Variants in AUTS2 observed in about 807,000 individuals in gnomAD.
AUTS2 encodes activator of transcription and developmental regulator AUTS2.
A neutral mutation model predicts 112.4 loss-of-function variants in AUTS2; 17 were observed. The observed-to-expected ratio is 0.15, with a 90% CI of 0.10 to 0.23. The LOEUF is 0.23. Among genes scored for constraint, AUTS2 ranks in the 10% least tolerant of loss-of-function variants. The pLI, the probability that AUTS2 is intolerant of heterozygous loss-of-function variation, is 1.00. For missense variants in AUTS2, 1,510 were observed against 1,701.6 expected (o/e 0.89, Z 1.98); for synonymous variants, 751 against 702.7 (o/e 1.07, Z -1.09).
At chr7:70,109,661 A>G (rs948764905) in intron 2 of AUTS2, among the ~76,000 whole-genome samples, 1 of 152,220 alleles carries the variant, frequency 6.6e-6, no homozygotes, top group African/African-American at 2.4e-5. Context: ...TATCATGCAG[A>G]TAAAGCCTCC....
At chr7:70,179,665 TA>T (rs1214161835) in intron 4 of AUTS2, among the ~76,000 whole-genome samples, 2 of 152,194 alleles carry the variant, frequency 1.3e-5, no homozygotes, top group Middle Eastern at 3.2e-3. Context: ...TTTAGCAAGA[TA>T]GGGGCTCCTT....
intron 2 of AUTS2, among the ~76,000 whole-genome samples, chr7:69,949,267 A>G (rs1425843210): frequency 6.6e-6 from 1 of 152,226 alleles, no homozygotes; most frequent in Non-Finnish European, 1.5e-5. Context: ...AAATGCCTGC[A>G]AGATAGTTTC....
intron 1 of AUTS2, among the ~76,000 whole-genome samples, chr7:69,614,289 A>C (rs1321636063): frequency 7.3e-6 from 1 of 137,156 alleles, no homozygotes; most frequent in Non-Finnish European, 1.5e-5. Context: ...CAAGTTACAC[A>C]CTTCTCTCAA....
Position 70,657,212 on chromosome 7 carries a change from G to A in AUTS2, c.691-41357G>A, listed in dbSNP as rs199653154. 7.9e-5 allele frequency among the ~76,000 whole-genome samples: 12 copies of A among 151,920 alleles called. No homozygotes were observed. In the East Asian group the frequency reaches 2.3e-3, roughly 29 times the overall value. ...GATGTCTTTGGTGTGTGTAGCTGGG[G>A]TTAACCCGCCGTCTTAATGTCTGCC... On this transcript the variant is annotated intron_variant, in intron 5 of 18. Coordinates refer to ENST00000342771, the MANE Select transcript of AUTS2 (RefSeq NM_015570.4).
chr7:70,428,305 A>G (rs955756476), intron 4 of AUTS2, among the ~76,000 whole-genome samples: 8 of 152,180 alleles, frequency 5.3e-5, no homozygotes, highest in African/African-American at 9.7e-5. Flanking sequence ...GAGCTGCCAT[A>G]TGTGGCACAA....
At chr7:70,476,285 T>A (rs941800160) in intron 5 of AUTS2, among the ~76,000 whole-genome samples, 1 of 152,116 alleles carries the variant, frequency 6.6e-6, no homozygotes, top group African/African-American at 2.4e-5. Context: ...TTCAGACAGC[T>A]CTGTGAGCCC....
At chr7:69,634,772 A>G (rs539489443) in intron 1 of AUTS2, among the ~76,000 whole-genome samples, 1 of 152,306 alleles carries the variant, frequency 6.6e-6, no homozygotes, top group African/African-American at 2.4e-5. Context: ...ATTGTGTATA[A>G]AAGAAGAGTT....
chr7:70,047,419 C>T (rs1309220490), intron 2 of AUTS2, among the ~76,000 whole-genome samples: 1 of 152,152 alleles, frequency 6.6e-6, no homozygotes, highest in African/African-American at 2.4e-5. Flanking sequence ...ATTGCAGAGA[C>T]ACTTTCCCTA....
chr7:69,801,225 C>T (rs1192678121), intron 1 of AUTS2, among the ~76,000 whole-genome samples: 1 of 149,664 alleles, frequency 6.7e-6, no homozygotes, highest in African/African-American at 2.5e-5. Context: ...TGGCAGGGAT[C>T]TAGTTGCCAA....
intron 1 of AUTS2, among the ~76,000 whole-genome samples, chr7:69,749,239 C>T (rs760776427): frequency 3.3e-5 from 5 of 152,112 alleles, no homozygotes; most frequent in African/African-American, 1.2e-4. Context: ...CCGCCCCCCA[C>T]AACATCTTTA....
intron 5 of AUTS2, among the ~76,000 whole-genome samples, chr7:70,450,493 G>T (rs1585159503): frequency 6.6e-6 from 1 of 152,200 alleles, no homozygotes; most frequent in Non-Finnish European, 1.5e-5. Flanking sequence ...TTAGCATGTG[G>T]AGAGAAGCAT....
At chr7:70,300,854 A>G (rs759628176) in intron 4 of AUTS2, among the ~76,000 whole-genome samples, 7 of 152,224 alleles carry the variant, frequency 4.6e-5, no homozygotes, top group Non-Finnish European at 8.8e-5. Context: ...TTAATTTGCT[A>G]AACAAATAAG....
chr7:70,586,519 A>C (rs1268101319), intron 5 of AUTS2, among the ~76,000 whole-genome samples: 1 of 152,196 alleles, frequency 6.6e-6, no homozygotes, highest in East Asian at 1.9e-4. Context: ...TAAACATCTC[A>C]AGAATTGCTC....
chr7:69,612,466 C>G, intron 1 of AUTS2, among the ~76,000 whole-genome samples: 1 of 145,896 alleles, frequency 6.9e-6, no homozygotes, highest in South Asian at 2.2e-4. Flanking sequence ...TATTTTAAAA[C>G]TTTTTTTTTT....
At chr7:69,712,543 T>G (rs767036933) in intron 1 of AUTS2, among the ~76,000 whole-genome samples, 6 of 152,216 alleles carry the variant, frequency 3.9e-5, no homozygotes, top group African/African-American at 7.2e-5. Context: ...TATGTTGTAG[T>G]GTATATTGAT....
intron 5 of AUTS2, among the ~76,000 whole-genome samples, chr7:70,465,288 C>T (rs1797128355): frequency 6.6e-6 from 1 of 152,088 alleles, no homozygotes; most frequent in Admixed American, 6.6e-5. Context: ...AAGGACTGTC[C>T]CAGTGGTGTC....
At chr7:69,899,244 T>A (rs1195139582) in intron 1 of AUTS2, 42 bp from the exon 2 acceptor site, 1 of 1,508,460 alleles carries the variant, frequency 6.6e-7, no homozygotes, top group Non-Finnish European at 9.2e-7. Flanking sequence ...CCTAGATACC[T>A]TTGTAACCAC....
intron 4 of AUTS2, chr7:70,290,490 A>T (rs1584980153): frequency 6.5e-7 from 1 of 1,541,606 alleles, no homozygotes; most frequent in East Asian, 2.5e-5. Flanking sequence ...CTCTCGTCAA[A>T]TTGCTTAAAG....
chr7:70,327,413 C>G (rs1395593919), intron 4 of AUTS2, among the ~76,000 whole-genome samples: 3 of 152,072 alleles, frequency 2.0e-5, no homozygotes, highest in Non-Finnish European at 4.4e-5. Context: ...TTTGTGGGAG[C>G]TGGATAGAAT....
Sources: gnomAD v4.1 joint callset for allele counts (sites outside exome capture counted in the v4.1 genomes callset) on GRCh38, gnomAD v4.1.1 for gene constraint, MANE v1.5 for transcripts, NCBI Gene and HGNC (gene_info 2026-07-23, HGNC 2026-07-21) for gene names.